GSE1: variants seen among roughly 807,000 people sequenced by gnomAD.
GSE1 encodes the protein Gse1 coiled-coil protein.
GSE1 carries 32 observed loss-of-function variants against 112.6 expected under a neutral mutation model. The ratio of observed to expected loss-of-function variants is 0.28; its 90% CI spans 0.21 to 0.38. The LOEUF (loss-of-function observed/expected upper bound fraction) is 0.38. Among genes scored for constraint, GSE1 ranks in the 10% least tolerant of loss-of-function variants. The pLI is 1.00. For synonymous variants in GSE1, 1,115 were observed against 735.6 expected, an observed-to-expected ratio of 1.52 and a Z score of -8.35; for missense variants, 2,348 against 1,699.2, an observed-to-expected ratio of 1.38 and a Z score of -6.71.
chr16:85,666,443 C>CACAAGTTTTTATAAACTCCA (rs1238477524), intron 13 of GSE1, 96 bp downstream of exon 13: 1 of 1,210,014 alleles, frequency 8.3e-7, no homozygotes, highest in East Asian at 2.3e-5. Flanking sequence ...CAGCCGTGGG[C>CACAAGTTTTTATAAACTCCA]ACAAGTTTTT....
rs144194052 is a variant in GSE1, at chr16:85,504,573, A to G, written c.2465-129341A>G. Among the ~76,000 whole-genome samples the G allele has an allele frequency of 4.1e-3, 632 of 152,350 alleles. 8 individuals are homozygous for G. Among genetic ancestry groups the G allele is most frequent in the Middle Eastern group, 0.014 (4 of 294 alleles). On this transcript the variant is annotated intron_variant, in intron 2 of 2. Coordinates refer to the GSE1 transcript ENST00000637419. Reference sequence around the variant, plus strand: ...CTGGGCTCAGGGACAATTGGGTTAAATAGTGAGTGATTGCCACATAGTTAG... The same window carrying G: ...CTGGGCTCAGGGACAATTGGGTTAAGTAGTGAGTGATTGCCACATAGTTAG...
At chr16:85,501,708 T>A (rs2051373811) in intron 2 of GSE1, among the ~76,000 whole-genome samples, 1 of 152,146 alleles carries the variant, frequency 6.6e-6, no homozygotes. Flanking sequence ...CTTCAGCATA[T>A]CTTTTGGAGG....
chr16:85,344,495 A>T, intron 1 of GSE1, among the ~76,000 whole-genome samples: 1 of 151,882 alleles, frequency 6.6e-6, no homozygotes, highest in Non-Finnish European at 1.5e-5. Flanking sequence ...TGTGTAGAGG[A>T]CAGGTGTGCG....
chr16:85,597,376 A>G (rs2047278517), intron 1 of GSE1, among the ~76,000 whole-genome samples: 1 of 147,104 alleles, frequency 6.8e-6, no homozygotes, highest in Non-Finnish European at 1.5e-5. Context: ...TCTGTCTCAA[A>G]AAAAAAAAAA....
chr16:85,444,305 C>T (rs1464763702), intron 2 of GSE1, among the ~76,000 whole-genome samples: 1 of 152,156 alleles, frequency 6.6e-6, no homozygotes, highest in African/African-American at 2.4e-5. Context: ...TTCTAGCCAG[C>T]CCAAAGGACA....
intron 1 of GSE1, among the ~76,000 whole-genome samples, chr16:85,357,127 C>A (rs1047319888): frequency 1.1e-4 from 16 of 152,360 alleles, no homozygotes; most frequent in Admixed American, 3.3e-4. Context: ...CTCTTAGATG[C>A]TTCTGGGCTC....
intron 1 of GSE1, among the ~76,000 whole-genome samples, chr16:85,279,502 G>C (rs911651763): frequency 1.4e-4 from 7 of 48,450 alleles, no homozygotes; most frequent in African/African-American, 3.4e-4. Flanking sequence ...AGCCACTCAA[G>C]GGGGGATCAC....
intron 2 of GSE1, among the ~76,000 whole-genome samples, chr16:85,420,391 TCTGGCAGCCCTGGAAAG>T (rs2048808674): frequency 1.3e-5 from 2 of 152,064 alleles, no homozygotes; most frequent in Non-Finnish European, 2.9e-5. Context: ...AGTTTGTAGC[TCTGGCAGCCCTGGAAAG>T]CTAACACAGG....
chr16:85,209,744 C>G (rs2075192525), intron 1 of GSE1, among the ~76,000 whole-genome samples: 1 of 152,190 alleles, frequency 6.6e-6, no homozygotes, highest in African/African-American at 2.4e-5. Context: ...TGGCAGGCCG[C>G]CTGACGTTGC....
At chr16:85,211,946 C>T (rs944720260) in intron 1 of GSE1, among the ~76,000 whole-genome samples, 3 of 152,204 alleles carry the variant, frequency 2.0e-5, no homozygotes, top group African/African-American at 2.4e-5. Flanking sequence ...GTGTCACCCC[C>T]GTGCTGGCAT....
intron 2 of GSE1, among the ~76,000 whole-genome samples, chr16:85,438,895 G>A (rs926892909): frequency 3.9e-5 from 6 of 152,320 alleles, no homozygotes; most frequent in Admixed American, 6.5e-5. Flanking sequence ...GAATCTACCC[G>A]TGCAGTCCTA....
Position 85,575,470 on chromosome 16 carries a change from TCCCTCTCGTCTC to T in GSE1, c.37+19126_37+19137del, listed in dbSNP as rs367924751. ...GCTGTGTGCCCTGTGGGGACCGGCT[TCCCTCTCGTCTC>T]CCCTCTCGTCTCCCCTCTTTTCTGA... On this transcript the variant is annotated intron_variant, in intron 1 of 2. Coordinates refer to the GSE1 transcript ENST00000635906. 5.1e-3 allele frequency among the ~76,000 whole-genome samples: 770 copies of T among 152,196 alleles called. 4 individuals are homozygous for T. The highest frequency in any genetic ancestry group is 9.3e-3 in the South Asian group (45 of 4,814).
chr16:85,339,154 A>G (rs906689617), intron 1 of GSE1, among the ~76,000 whole-genome samples: 1 of 152,106 alleles, frequency 6.6e-6, no homozygotes, highest in Non-Finnish European at 1.5e-5. Flanking sequence ...TTCCCTCCCC[A>G]CCAGCCAGGC....
At position 85,195,478 on chromosome 16, in the gene GSE1, G is replaced by A. The variant is rs2074909139; in HGVS notation, c.2283+23671G>A. On this transcript the variant is annotated intron_variant, in intron 1 of 2. Transcript: ENST00000637419. The stretch of plus-strand genomic sequence containing the variant: ...GAGGCCCAGAGAGGTTAAGTCACTT[G>A]CCTCGAGTCACGCAGGGGATGGACT... Among the ~76,000 whole-genome samples the A allele has an allele frequency of 2.0e-5, 3 of 152,196 alleles. No homozygotes were observed. In the South Asian group the frequency reaches 6.2e-4, roughly 32 times the overall value.
At chr16:85,272,631 G>A (rs1201482070) in intron 1 of GSE1, among the ~76,000 whole-genome samples, 1 of 152,166 alleles carries the variant, frequency 6.6e-6, no homozygotes, top group African/African-American at 2.4e-5. Context: ...CGGGGAGCCT[G>A]GGCTGACTGT....
chr16:85,181,883 C>G (rs2143309139), intron 1 of GSE1, among the ~76,000 whole-genome samples: 1 of 152,320 alleles, frequency 6.6e-6, no homozygotes, highest in East Asian at 1.9e-4. Context: ...CTTGCCACAG[C>G]TGCAGCGCCA....
At chr16:85,394,536 C>T (rs529517736) in intron 2 of GSE1, among the ~76,000 whole-genome samples, 1 of 152,136 alleles carries the variant, frequency 6.6e-6, no homozygotes, top group Non-Finnish European at 1.5e-5. Context: ...CTCCCCTGTG[C>T]CCATTTGTGG....
chr16:85,240,536 G>A (rs1358514662), intron 1 of GSE1, among the ~76,000 whole-genome samples: 1 of 152,214 alleles, frequency 6.6e-6, no homozygotes, highest in Non-Finnish European at 1.5e-5. Flanking sequence ...TGGCAGGGGC[G>A]AGGGGCCGGT....
intron 1 of GSE1, among the ~76,000 whole-genome samples, chr16:85,345,760 G>A (rs1015382484): frequency 7.2e-5 from 11 of 152,192 alleles, no homozygotes; most frequent in Non-Finnish European, 1.6e-4. Context: ...ATGTCAGCAG[G>A]GATTTTTAGC....
Sources: gnomAD v4.1 joint callset for allele counts (sites outside exome capture counted in the v4.1 genomes callset) on GRCh38, gnomAD v4.1.1 for gene constraint, MANE v1.5 for transcripts, NCBI Gene and HGNC (gene_info 2026-07-23, HGNC 2026-07-21) for gene names.